The following GLI3 variants were observed in gnomAD, a reference collection of about 807,000 sequenced individuals.
GLI3 encodes GLI family zinc finger 3.
A neutral mutation model predicts 100.8 loss-of-function variants in GLI3; 20 were observed. The ratio of observed to expected loss-of-function variants is 0.20; its 90% confidence interval spans 0.14 to 0.29. The LOEUF (loss-of-function observed/expected upper bound fraction) is 0.29. Among genes scored for constraint, GLI3 ranks in the 10% least tolerant of loss-of-function variants. The pLI is 1.00. For synonymous variants in GLI3, 938 were observed against 860.5 expected, an observed-to-expected ratio of 1.09 and a Z score of -1.58; for missense variants, 2,040 against 2,128.5, an observed-to-expected ratio of 0.96 and a Z score of 0.82.
chr7:42,244,596 T>C (rs1274794999), intron 1 of GLI3, among the ~76,000 whole-genome samples: 4 of 152,214 alleles, frequency 2.6e-5, no homozygotes, highest in African/African-American at 4.8e-5. Flanking sequence ...TAAATTATCT[T>C]TGTATGGGCC....
intron 3 of GLI3, among the ~76,000 whole-genome samples, chr7:42,104,712 T>C (rs984779719): frequency 2.6e-5 from 4 of 152,090 alleles, no homozygotes; most frequent in African/African-American, 4.8e-5. Context: ...TAATCCCCAA[T>C]GTAATGGTAT....
chr7:41,976,041 C>T (rs556761169), intron 12 of GLI3, among the ~76,000 whole-genome samples: 2 of 152,238 alleles, frequency 1.3e-5, no homozygotes, highest in East Asian at 3.9e-4. Flanking sequence ...TTACCTAATT[C>T]CAGAATATCT....
intron 3 of GLI3, among the ~76,000 whole-genome samples, chr7:42,103,062 G>C (rs1171205120): frequency 6.6e-6 from 1 of 152,146 alleles, no homozygotes; most frequent in Non-Finnish European, 1.5e-5. Context: ...GCTTAGCTGA[G>C]TGGCTCCGGC....
At chr7:42,168,273 C>T (rs748854015) in intron 2 of GLI3, among the ~76,000 whole-genome samples, 2 of 152,160 alleles carry the variant, frequency 1.3e-5, no homozygotes, top group Non-Finnish European at 2.9e-5. Context: ...TGTGCATTGC[C>T]AAGTCTGTGC....
intron 10 of GLI3, among the ~76,000 whole-genome samples, chr7:41,995,910 C>T (rs557219274): frequency 6.6e-6 from 1 of 152,156 alleles, no homozygotes; most frequent in African/African-American, 2.4e-5. Context: ...AAACCAGTAA[C>T]CAACATTACA....
chr7:42,136,651 C>T (rs951703091), intron 3 of GLI3, among the ~76,000 whole-genome samples: 22 of 152,194 alleles, frequency 1.4e-4, no homozygotes, highest in African/African-American at 4.8e-4. Context: ...AGAAATGTCT[C>T]ATTCTCCCCT....
At chr7:42,236,919 G>T (rs1388691375) in intron 1 of GLI3, 52 bp downstream of exon 1, 2 of 152,208 alleles carry the variant, frequency 1.3e-5, no homozygotes, top group Non-Finnish European at 2.9e-5. Context: ...GGGCGCGGCC[G>T]CAGGAGCGGG....
At chr7:42,075,291 T>C (rs1784856697) in intron 4 of GLI3, among the ~76,000 whole-genome samples, 1 of 152,154 alleles carries the variant, frequency 6.6e-6, no homozygotes, top group South Asian at 2.1e-4. Flanking sequence ...CCGGAGAAAA[T>C]CTGACTTAAA....
At chr7:42,239,671 A>T (rs1018867293), upstream of GLI3, among the ~76,000 whole-genome samples, 2 of 152,194 alleles carry the variant, frequency 1.3e-5, no homozygotes, top group Non-Finnish European at 1.5e-5. Flanking sequence ...AATCATGAAG[A>T]TCTTGATTTT....
chr7:42,001,941 T>G (rs1327279642), intron 10 of GLI3, among the ~76,000 whole-genome samples: 2 of 152,122 alleles, frequency 1.3e-5, no homozygotes, highest in Non-Finnish European at 2.9e-5. Context: ...TTTCCACAAT[T>G]AGAAATCATG....
At chr7:42,089,859 C>T (rs529008943) in intron 3 of GLI3, among the ~76,000 whole-genome samples, 2 of 152,326 alleles carry the variant, frequency 1.3e-5, no homozygotes, top group Admixed American at 1.3e-4. Flanking sequence ...GAATAACAGT[C>T]ATGCATCTCT....
intron 2 of GLI3, among the ~76,000 whole-genome samples, chr7:42,190,456 C>A (rs1013345456): frequency 6.6e-6 from 1 of 151,982 alleles, no homozygotes; most frequent in African/African-American, 2.4e-5. Flanking sequence ...ATTTTAAAAT[C>A]CTGATTAAAT....
At chr7:42,250,242 C>T (rs192151182) in intron 1 of GLI3, among the ~76,000 whole-genome samples, 275 of 152,210 alleles carry the variant, frequency 1.8e-3, no homozygotes, top group African/African-American at 6.0e-3. Context: ...GTAATATGGA[C>T]CATTTGTTTT....
At chr7:42,084,076 G>A (rs555299835) in intron 3 of GLI3, among the ~76,000 whole-genome samples, 23 of 152,226 alleles carry the variant, frequency 1.5e-4, no homozygotes, top group African/African-American at 2.4e-4. Flanking sequence ...AAACTTCCAC[G>A]GACATTCTCC....
intron 10 of GLI3, among the ~76,000 whole-genome samples, chr7:42,007,220 T>TA (rs1788482332): frequency 3.0e-5 from 1 of 33,654 alleles, no homozygotes; most frequent in African/African-American, 8.7e-5. Flanking sequence ...AAGGAGGAAA[T>TA]TTAAAAAAAA....
chr7:42,231,196 T>G (rs1788690862), intron 1 of GLI3, among the ~76,000 whole-genome samples: 1 of 152,190 alleles, frequency 6.6e-6, no homozygotes, highest in Non-Finnish European at 1.5e-5. Context: ...ATCACAAATA[T>G]TAGACCAATA....
Position 42,219,026 on chromosome 7 carries a change from T to C in GLI3, c.124+4104A>G, listed in dbSNP as rs541326376. On this transcript the variant is annotated intron_variant, in intron 2 of 14. Coordinates refer to ENST00000395925, the MANE Select transcript of GLI3 (RefSeq NM_000168.6). Reference sequence around the variant, plus strand: ...ATTGGAAGATTTAGATGAAAAAAACTCTTATTATTTAGAAAACACAACATG... The same window carrying C: ...ATTGGAAGATTTAGATGAAAAAAACCCTTATTATTTAGAAAACACAACATG... 3.3e-5 allele frequency among the ~76,000 whole-genome samples: 5 copies of C among 152,286 alleles called. No homozygotes were observed. The South Asian group carries it at 1.0e-3, about 32-fold the overall frequency.
In GLI3 at chr7:41,964,620, T is replaced by C; in HGVS notation, c.4453A>G (p.Asn1485Asp). ...CTGTCCACTGTGCTTGTCACCTGAT[T>C]AGCACCTGGGGAAAGTAACTCAGAG... The part of the protein sequence containing the change: ...KNSELLSPGA[N>D]QVTSTVDSLD... The change falls in exon 15 of 15, where the codon AAT becomes GAT. Residue 1485 changes from asparagine (N) to aspartate (D), a missense_variant. Physicochemically the swap from Asn to Asp is conservative, Grantham distance 23. This residue lies in a region of GLI3 where 1,041 missense variants were observed against 924.0 expected (regional missense o/e 1.13). Transcript: ENST00000395925. 6.2e-7 allele frequency: 1 copy of C among 1,613,552 alleles called. No homozygotes were observed. The highest frequency in any genetic ancestry group is 8.5e-7 in the Non-Finnish European group (1 of 1,179,430).
intron 4 of GLI3, among the ~76,000 whole-genome samples, chr7:42,057,612 A>T (rs1307587401): frequency 6.6e-6 from 1 of 152,256 alleles, no homozygotes; most frequent in Non-Finnish European, 1.5e-5. Context: ...GCATACAATG[A>T]AACAGTAAAC....
Sources: gnomAD v4.1 joint callset for allele counts (sites outside exome capture counted in the v4.1 genomes callset) on GRCh38, gnomAD v4.1.1 for gene constraint, gnomAD v4.1.1 regional missense constraint, MANE v1.5 for transcripts, NCBI Gene and HGNC (gene_info 2026-07-23, HGNC 2026-07-21) for gene names.